The following SIPA1L3 variants were observed in gnomAD, a reference collection of about 807,000 sequenced individuals.
SIPA1L3 encodes signal-induced proliferation-associated 1-like protein 3.
SIPA1L3 carries 59 observed loss-of-function variants against 150.1 expected under a neutral mutation model. That is an observed-to-expected ratio of 0.39 (90% CI 0.32 to 0.49). The LOEUF is 0.49. Ranked by LOEUF, SIPA1L3 falls within the 20% of genes least tolerant of loss-of-function variation. The probability of loss-of-function intolerance (pLI) is 0.86; values close to 1 mark genes in which losing one functional copy is unlikely to be tolerated. For synonymous variants in SIPA1L3, 1,070 were observed against 1,077.6 expected (o/e 0.99, Z 0.14); for missense variants, 2,211 against 2,489.5 (o/e 0.89, Z 2.38).
chr19:37,914,838 C>T (rs370529461), intron 1 of SIPA1L3, among the ~76,000 whole-genome samples: 2 of 152,154 alleles, frequency 1.3e-5, no homozygotes, highest in East Asian at 3.9e-4. Context: ...ATGATAGCAG[C>T]TTACCTGGTG....
chr19:38,121,981 G>A (rs1288545501), intron 9 of SIPA1L3, among the ~76,000 whole-genome samples: 1 of 152,128 alleles, frequency 6.6e-6, no homozygotes, highest in Non-Finnish European at 1.5e-5. Flanking sequence ...AGCACTTGGG[G>A]AGGCCGAGGT....
In SIPA1L3 at chr19:37,951,789, C is replaced by T. The variant is rs532284006; in HGVS notation, c.-379+44431C>T. On this transcript the variant is annotated intron_variant, in intron 1 of 21. Transcript: ENST00000222345. ...GCGGGCGCCTGTAGTCCCAGCTACT[C>T]GGGAGGCTGAGGCAGGGGAATCACT... Among the ~76,000 whole-genome samples the T allele has an allele frequency of 1.5e-4, 23 of 149,266 alleles. 1 individual carries two copies. In the South Asian group the frequency reaches 4.5e-3, roughly 29 times the overall value.
rs767514640 is a variant in SIPA1L3, at chr19:38,119,922, G to A, written c.2868+40G>A. On this transcript the variant is annotated intron_variant, in intron 9 of 21. Transcript: ENST00000222345. Reference sequence around the variant, plus strand: ...CCGGCGATAGGGCGGCGATTTGTATGGTTTCGGCCTCAGGAACCACTGAAA... The same window carrying A: ...CCGGCGATAGGGCGGCGATTTGTATAGTTTCGGCCTCAGGAACCACTGAAA... The A allele has an allele frequency of 3.6e-5, 53 of 1,468,188 alleles. No homozygotes were observed. In the African/African-American group the frequency reaches 6.8e-4, roughly 19 times the overall value. The allele number at this position is 1,468,188 out of a possible 1,614,324, so 90.9% of individuals were successfully genotyped here.
intron 1 of SIPA1L3, among the ~76,000 whole-genome samples, chr19:37,991,672 C>G (rs1260160765): frequency 6.6e-6 from 1 of 152,230 alleles, no homozygotes; most frequent in Non-Finnish European, 1.5e-5. Flanking sequence ...CAGCTGAGCT[C>G]TCTGCCCTGG....
intron 2 of SIPA1L3, among the ~76,000 whole-genome samples, chr19:38,075,308 T>G (rs1053017645): frequency 2.0e-5 from 3 of 151,932 alleles, no homozygotes. Context: ...GACACAAAAT[T>G]AGCTGGGCGT....
intron 2 of SIPA1L3, among the ~76,000 whole-genome samples, chr19:38,038,358 C>T (rs1968837209): frequency 6.6e-6 from 1 of 151,960 alleles, no homozygotes; most frequent in Non-Finnish European, 1.5e-5. Flanking sequence ...TTTGGGAGGC[C>T]CAGGTGAGCA....
intron 3 of SIPA1L3, among the ~76,000 whole-genome samples, chr19:38,085,475 G>A (rs1176655827): frequency 8.3e-5 from 10 of 120,624 alleles, no homozygotes; most frequent in East Asian, 2.3e-4. Flanking sequence ...GTGAGACTCC[G>A]TCTCAAAAAA....
chr19:38,013,959 A>G (rs1414867833), intron 1 of SIPA1L3, among the ~76,000 whole-genome samples: 3 of 152,276 alleles, frequency 2.0e-5, no homozygotes, highest in East Asian at 1.9e-4. Context: ...CTGTTGATGT[A>G]AAATACAGCG....
chr19:38,143,277 G>C (rs990877984), intron 12 of SIPA1L3, among the ~76,000 whole-genome samples: 1 of 152,130 alleles, frequency 6.6e-6, no homozygotes, highest in African/African-American at 2.4e-5. Context: ...CGTGCCCTCT[G>C]TTCTTCCTCT....
intron 15 of SIPA1L3, among the ~76,000 whole-genome samples, chr19:38,168,428 C>T (rs1972255227): frequency 6.6e-6 from 1 of 151,904 alleles, no homozygotes; most frequent in South Asian, 2.1e-4. Context: ...AAATACATTG[C>T]ACTCCAGCCT....
Position 38,193,713 on chromosome 19 carries a change from G to GCACCAT in SIPA1L3, c.4777_4778insATCACC (p.His1592_Pro1593insHisHis). 6.4e-7 allele frequency: 1 copy of GCACCAT among 1,570,606 alleles called. No homozygotes were observed. Among genetic ancestry groups the GCACCAT allele is most frequent in the Non-Finnish European group, 8.6e-7 (1 of 1,166,562 alleles). ...CGCTGCCTGCACGCCGCCAGCACCAGCACCCCCACCCGCCCGTCGGCCCCG... is the reference window on the plus strand; with the variant it reads ...CGCTGCCTGCACGCCGCCAGCACCAGCACCATCACCCCCACCCGCCCGTCGGCCCCG... On this transcript the variant is annotated inframe_insertion, in exon 18 of 22. Coordinates refer to ENST00000222345, the MANE Select transcript of SIPA1L3 (RefSeq NM_015073.3).
At position 38,193,613 on chromosome 19, in the gene SIPA1L3, C is replaced by T; in HGVS notation, c.4673C>T (p.Ala1558Val). ...LCSGRREPSF[A>V]SPAGLEPGLP... ...AGCGGGCGCCGGGAGCCCAGCTTCG[C>T]CAGCCCCGCTGGCCTAGAGCCAGGG... Residue 1558 changes from alanine (A) to valine (V), a missense_variant, in exon 18 of 22, where the codon GCC (alanine) becomes GTC (valine). Physicochemically the swap from Ala to Val is moderately conservative, Grantham distance 64. This residue lies in a region of SIPA1L3 where 806 missense variants were observed against 870.1 expected (regional missense o/e 0.93). Coordinates refer to ENST00000222345, the MANE Select transcript of SIPA1L3 (RefSeq NM_015073.3). 3.2e-6 allele frequency: 5 copies of T among 1,568,164 alleles called. No homozygotes were observed. The highest frequency in any genetic ancestry group is 2.6e-6 in the Non-Finnish European group (3 of 1,166,550).
rs1388152364 is a variant in SIPA1L3 at position 38,206,651 on chromosome 19, A to AGTTGCGGCTT, written c.*414_*423dup. ...CAGGTTTCTGCACCACGCACAACAA[A>AGTTGCGGCTT]GTTGCGGCTTGTGGGGCCGAGGCCC... On this transcript the variant is annotated 3_prime_UTR_variant, in exon 22 of 22. Transcript: ENST00000222345. 1 of 161,726 alleles carries AGTTGCGGCTT rather than the reference A, an allele frequency of 6.2e-6. No individual in the cohort carries two copies. Among genetic ancestry groups the AGTTGCGGCTT allele is most frequent in the African/African-American group, 2.4e-5 (1 of 41,812 alleles). The allele number at this position is 161,726 out of a possible 1,614,324, so 10.0% of individuals were successfully genotyped here.
chr19:37,960,528 C>T (rs187914358), intron 1 of SIPA1L3, among the ~76,000 whole-genome samples: 3,154 of 151,596 alleles, frequency 0.021, 52 homozygotes, highest in Middle Eastern at 0.058. Context: ...CTCAGCCTCC[C>T]GAGTAGCTGG....
At chr19:37,983,605 T>C (rs1967256365) in intron 1 of SIPA1L3, among the ~76,000 whole-genome samples, 1 of 151,926 alleles carries the variant, frequency 6.6e-6, no homozygotes, top group Non-Finnish European at 1.5e-5. Context: ...AGTGGTTTCA[T>C]CCAAAAAAGA....
At chr19:38,073,973 TTGAAAC>T (rs1288344567) in intron 2 of SIPA1L3, among the ~76,000 whole-genome samples, 1 of 152,180 alleles carries the variant, frequency 6.6e-6, no homozygotes, top group Non-Finnish European at 1.5e-5. Context: ...ATTTTACAGA[TTGAAAC>T]TGAGTCACTA....
intron 1 of SIPA1L3, among the ~76,000 whole-genome samples, chr19:38,009,107 T>A (rs1304637245): frequency 6.6e-6 from 1 of 152,032 alleles, no homozygotes; most frequent in Non-Finnish European, 1.5e-5. Context: ...TGATCTCGGC[T>A]CACTGCAACC....
rs1481115356 is a variant in SIPA1L3 at position 37,929,701 on chromosome 19, T to C, written c.-379+22343T>C. On this transcript the variant is annotated intron_variant, in intron 1 of 21. Transcript: ENST00000222345. ...CCTACCCTTCCTTGCAAAGGCTGTT[T>C]CCCCCTCTGAGGGCTGTTCTTGGAT... 5.3e-5 allele frequency among the ~76,000 whole-genome samples: 8 copies of C among 152,172 alleles called. No homozygotes were observed. The East Asian group carries it at 1.5e-3, about 29-fold the overall frequency.
At chr19:37,970,647 CCT>C (rs1247475676) in intron 1 of SIPA1L3, among the ~76,000 whole-genome samples, 1 of 152,234 alleles carries the variant, frequency 6.6e-6, no homozygotes, top group African/African-American at 2.4e-5. Context: ...GTTGAACCCT[CCT>C]CTCCTGCAGG....
Sources: gnomAD v4.1 joint callset for allele counts (sites outside exome capture counted in the v4.1 genomes callset) on GRCh38, gnomAD v4.1.1 for gene constraint, gnomAD v4.1.1 regional missense constraint, MANE v1.5 for transcripts, NCBI Gene and HGNC (gene_info 2026-07-23, HGNC 2026-07-21) for gene names.